PRKD2: variants seen among roughly 807,000 people sequenced by gnomAD.
PRKD2 encodes protein kinase D2, also known as serine/threonine-protein kinase D2.
In PRKD2, 22 loss-of-function variants were observed where a neutral mutation model predicts 86.0. The observed-to-expected ratio is 0.26, with a 90% CI of 0.18 to 0.37. The LOEUF is 0.37. PRKD2 is among the 10% of genes least tolerant of loss of function. The probability of loss-of-function intolerance (pLI) is 1.00; values close to 1 mark genes in which losing one functional copy is unlikely to be tolerated. For missense variants in PRKD2, 818 were observed against 1,199.2 expected (o/e 0.68, Z 4.70); for synonymous variants, 509 against 510.9 (o/e 1.00, Z 0.05).
chr19:46,697,727 A>G lies in PRKD2; in HGVS notation c.1239+6T>C, dbSNP rs772606911. 4 of 1,607,280 alleles carry G rather than the reference A, an allele frequency of 2.5e-6. No homozygotes were observed. The East Asian group carries it at 9.0e-5, about 36-fold the overall frequency. ...CGCCGTACCCGGCCCCGCCCCGGCC[A>G]CTCACCAGCGTGTCCTTGTTGCTGT... On this transcript the variant is annotated splice_donor_region_variant and intron_variant, in intron 8 of 17. Coordinates refer to ENST00000291281, the MANE Select transcript of PRKD2 (RefSeq NM_016457.5).
At position 46,699,469 on chromosome 19, in the gene PRKD2, C is replaced by A. The variant is rs189424665; in HGVS notation, c.1121+1330G>T. Among the ~76,000 whole-genome samples, 403 of 152,330 alleles carry A rather than the reference C, an allele frequency of 2.6e-3. 7 individuals carry two copies. The highest frequency in any genetic ancestry group is 9.0e-3 in the African/African-American group (374 of 41,580). ...GCTCATTAAATATTTTCCAGTGCAC[C>A]TGTGAGGGTGCCCCCTTACCCCTAC... On this transcript the variant is annotated intron_variant, in intron 7 of 17. Transcript: ENST00000291281.
chr19:46,678,359 A>G lies in PRKD2; in HGVS notation c.2338+37T>C. 19 of 1,606,372 alleles carry G rather than the reference A, an allele frequency of 1.2e-5. No individual in the cohort carries two copies. The highest frequency in any genetic ancestry group is 1.6e-5 in the Non-Finnish European group (19 of 1,177,450). Reference sequence around the variant, plus strand: ...GCCCACTTCTCCAGCCCCACCCCACAACCCACCCGCCCATGGGGTAGGCGG... The same window carrying G: ...GCCCACTTCTCCAGCCCCACCCCACGACCCACCCGCCCATGGGGTAGGCGG... On this transcript the variant is annotated intron_variant, in intron 16 of 17. Coordinates refer to ENST00000291281, the MANE Select transcript of PRKD2 (RefSeq NM_016457.5). This position sits in a 1 kb window ranked among gnomAD's most constrained non-coding sequence, Gnocchi z 5.7.
rs2053174088 is a variant in PRKD2 at position 46,674,939 on chromosome 19, C to G, written c.2424+94G>C. 5 of 1,331,096 alleles carry G rather than the reference C, an allele frequency of 3.8e-6. No homozygotes were observed. The South Asian group carries it at 6.6e-5, about 18-fold the overall frequency. 82.5% of individuals were successfully genotyped at this position (1,331,096 alleles called of 1,614,324 possible). A position where few individuals can be genotyped will look rare whatever the true frequency, so the allele number is the denominator to read the frequency against. On this transcript the variant is annotated intron_variant, in intron 17 of 17. Coordinates refer to ENST00000291281, the MANE Select transcript of PRKD2 (RefSeq NM_016457.5). ...TAGCCACATTCCAGACCCAAGGAAA[C>G]CTACATCCTTCACAACCTGCCTAGC... is the stretch of plus-strand genomic sequence containing the variant.
intron 3 of PRKD2, among the ~76,000 whole-genome samples, chr19:46,705,786 CA>C (rs113746036): frequency 4.6e-4 from 66 of 144,166 alleles, no homozygotes; most frequent in African/African-American, 5.4e-4. Flanking sequence ...GACTCAGTTT[CA>C]AAAAAAAAAA....
chr19:46,674,360 T>C lies in PRKD2; in HGVS notation c.*163A>G. The C allele has an allele frequency of 2.8e-6, 2 of 714,058 alleles. No homozygotes were observed. Among genetic ancestry groups the C allele is most frequent in the Non-Finnish European group, 4.5e-6 (2 of 442,552 alleles). The allele number at this position is 714,058 out of a possible 1,614,324, so 44.2% of individuals were successfully genotyped here. A position where few individuals can be genotyped will look rare whatever the true frequency, so the allele number is the denominator to read the frequency against. On this transcript the variant is annotated 3_prime_UTR_variant, in exon 18 of 18. Transcript: ENST00000291281. ...GGGCCAGAGATGAGTCCGTTTTAAT[T>C]GCTGGGGAAACAGGGAGGGGCCTTG... is the stretch of plus-strand genomic sequence containing the variant.
chr19:46,697,983 C>T (rs1434655071), intron 7 of PRKD2, 133 bp from the exon 8 acceptor site: 3 of 704,494 alleles, frequency 4.3e-6, no homozygotes, highest in Non-Finnish European at 7.4e-6. Flanking sequence ...TTGACATTTT[C>T]CCCCCAACAC....
intron 14 of PRKD2, among the ~76,000 whole-genome samples, chr19:46,683,539 T>G (rs993194094): frequency 2.0e-5 from 3 of 152,090 alleles, no homozygotes; most frequent in Non-Finnish European, 4.4e-5. Flanking sequence ...CTGGCCAACA[T>G]AGCAAAACCC....
At position 46,706,801 on chromosome 19, in the gene PRKD2, A is replaced by G. The variant is rs567006470; in HGVS notation, c.512-2152T>C. On this transcript the variant is annotated intron_variant, in intron 3 of 17. Transcript: ENST00000291281. ...ATAAGAGCTTTTAATGCACTGAATC[A>G]GTATCTGCAGGCCTAGAGTCCTTAA... Among the ~76,000 whole-genome samples, 3 of 152,128 alleles carry G rather than the reference A, an allele frequency of 2.0e-5. No homozygotes were observed. In the East Asian group the frequency reaches 5.8e-4, roughly 29 times the overall value.
chr19:46,702,036 T>C (rs1009684287), intron 5 of PRKD2, among the ~76,000 whole-genome samples: 1 of 131,980 alleles, frequency 7.6e-6, no homozygotes, highest in Admixed American at 7.5e-5. Context: ...ATTCTGTTTT[T>C]TGTTTTTTTT....
At chr19:46,697,117 C>T (rs1300173331) in intron 9 of PRKD2, 40 bp downstream of exon 9, 1 of 1,485,624 alleles carries the variant, frequency 6.7e-7, no homozygotes, top group African/African-American at 1.4e-5. Context: ...TTTGTGGGCA[C>T]AGCGGGAAGT....
intron 12 of PRKD2, among the ~76,000 whole-genome samples, chr19:46,691,405 C>A (rs1327832222): frequency 6.6e-6 from 1 of 152,168 alleles, no homozygotes; most frequent in Non-Finnish European, 1.5e-5. Context: ...AGAATCTACT[C>A]TATCCAATCA....
At position 46,717,043 on chromosome 19, in the gene PRKD2, A is replaced by T. The variant is rs1298205561; in HGVS notation, c.-673T>A. On this transcript the variant is annotated 5_prime_UTR_variant, in exon 1 of 18. Coordinates refer to ENST00000291281, the MANE Select transcript of PRKD2 (RefSeq NM_016457.5). ...TGGGTGGGGGGCAGGGAGGGTCGCC[A>T]GGCGCCAGTAGCTCTTTTTCCCCCT... 1 of 153,700 alleles carries T rather than the reference A, an allele frequency of 6.5e-6. No homozygotes were observed. Among genetic ancestry groups the T allele is most frequent in the African/African-American group, 2.4e-5 (1 of 41,406 alleles). The allele number at this position is 153,700 out of a possible 1,614,324, so 9.5% of individuals were successfully genotyped here. A position where few individuals can be genotyped will look rare whatever the true frequency, so the allele number is the denominator to read the frequency against.
chr19:46,681,420 A>T (rs1568715172), intron 15 of PRKD2, among the ~76,000 whole-genome samples: 1 of 146,506 alleles, frequency 6.8e-6, no homozygotes, highest in Non-Finnish European at 1.5e-5. Flanking sequence ...ATTCCCGGCT[A>T]TTTTTTTTTT....
Position 46,711,144 on chromosome 19 carries a change from T to A in PRKD2, c.380-106A>T. On this transcript the variant is annotated intron_variant, in intron 2 of 17. Coordinates refer to ENST00000291281, the MANE Select transcript of PRKD2 (RefSeq NM_016457.5). ...CAGTGCTCCCAGCCGCAAGGTGTGA[T>A]CTTTCCTTCCTTCCTTCATTTGCTC... is the stretch of plus-strand genomic sequence containing the variant. The A allele has an allele frequency of 6.4e-6, 9 of 1,413,722 alleles. No individual in the cohort carries two copies. In the South Asian group the frequency reaches 1.2e-4, roughly 19 times the overall value. The allele number at this position is 1,413,722 out of a possible 1,614,324, so 87.6% of individuals were successfully genotyped here.
At chr19:46,681,252 A>C in intron 15 of PRKD2, among the ~76,000 whole-genome samples, 1 of 140,288 alleles carries the variant, frequency 7.1e-6, no homozygotes. Context: ...CACCGCACCC[A>C]GTCTTTTTTT....
chr19:46,698,461 G>A (rs1328495841), intron 7 of PRKD2, among the ~76,000 whole-genome samples: 1 of 152,188 alleles, frequency 6.6e-6, no homozygotes, highest in Non-Finnish European at 1.5e-5. Context: ...ACCCAAAGGG[G>A]ATGCTATGAG....
At chr19:46,681,445 A>T (rs1274673816) in intron 15 of PRKD2, among the ~76,000 whole-genome samples, 1 of 150,906 alleles carries the variant, frequency 6.6e-6, no homozygotes, top group East Asian at 2.0e-4. Flanking sequence ...TTTTGTATAG[A>T]TGAGGTCTCG....
chr19:46,690,922 C>T lies in PRKD2; in HGVS notation c.1703-216G>A, dbSNP rs552310251. On this transcript the variant is annotated intron_variant, in intron 12 of 17. Transcript: ENST00000291281. Reference sequence around the variant, plus strand: ...AAAGCAAAAAACAAACAAAAAGCTCCGAAGAAGGGAATGTATAACATGGGA... The same window carrying T: ...AAAGCAAAAAACAAACAAAAAGCTCTGAAGAAGGGAATGTATAACATGGGA... 9.2e-5 allele frequency among the ~76,000 whole-genome samples: 14 copies of T among 152,166 alleles called. No individual in the cohort carries two copies. The East Asian group carries it at 1.3e-3, about 15-fold the overall frequency.
chr19:46,703,601 C>A (rs2053665099), intron 5 of PRKD2, among the ~76,000 whole-genome samples: 1 of 151,968 alleles, frequency 6.6e-6, no homozygotes, highest in African/African-American at 2.4e-5. Context: ...GAAACCCCGT[C>A]TCTACTAAAA....
Sources: gnomAD v4.1 joint callset for allele counts (sites outside exome capture counted in the v4.1 genomes callset) on GRCh38, gnomAD v4.1.1 for gene constraint, Gnocchi (gnomAD v3.1) non-coding constraint, MANE v1.5 for transcripts, NCBI Gene and HGNC (gene_info 2026-07-23, HGNC 2026-07-21) for gene names.